The following TMEM236 variants were observed in gnomAD, a reference collection of about 807,000 sequenced individuals.
TMEM236 encodes the protein family with sequence similarity 23, member A.
Under a neutral mutation model 14.7 loss-of-function variants are expected in TMEM236, and 11 were observed. The ratio of observed to expected loss-of-function variants is 0.75; its 90% CI spans 0.47 to 1.24. The LOEUF is 1.24. Among genes scored for constraint, TMEM236 ranks in the 50% most tolerant of loss-of-function variants. The pLI is 0.00. For missense variants in TMEM236, 464 were observed against 427.3 expected (o/e 1.09, Z -0.76); for synonymous variants, 182 against 168.6 (o/e 1.08, Z -0.62).
intron 3 of TMEM236, among the ~76,000 whole-genome samples, chr10:17,787,797 CG>C (rs1443480580): frequency 6.6e-6 from 1 of 152,076 alleles, no homozygotes; most frequent in African/African-American, 2.4e-5. Flanking sequence ...ACCAGGCTGA[CG>C]GAGGTTCTTA....
intron 1 of TMEM236, among the ~76,000 whole-genome samples, chr10:17,770,997 T>C (rs2131748783): frequency 6.6e-6 from 1 of 152,362 alleles, no homozygotes; most frequent in East Asian, 1.9e-4. Context: ...GCCTGACCTC[T>C]TGGGCAGGAT....
rs560933976 is a variant in TMEM236, at chr10:17,773,583, C to T, written c.330+2202C>T. Among the ~76,000 whole-genome samples the T allele has an allele frequency of 4.6e-5, 7 of 152,244 alleles. No homozygotes were observed. In the South Asian group the frequency reaches 1.5e-3, roughly 32 times the overall value. Reference sequence around the variant, plus strand: ...GAACTCCTGACCTCAGGTGATCCACCCGCCTCGGCCTCCCAAAATGCTGAG... The same window carrying T: ...GAACTCCTGACCTCAGGTGATCCACTCGCCTCGGCCTCCCAAAATGCTGAG... On this transcript the variant is annotated intron_variant, in intron 2 of 3. Coordinates refer to ENST00000377495, the MANE Select transcript of TMEM236 (RefSeq NM_001098844.3).
chr10:17,780,748 C>T (rs2131756803), intron 3 of TMEM236, among the ~76,000 whole-genome samples: 1 of 152,228 alleles, frequency 6.6e-6, no homozygotes, highest in East Asian at 1.9e-4. Flanking sequence ...AGGACATGGA[C>T]ACACACAAGG....
rs1478499841 is a variant in TMEM236 at position 17,798,780 on chromosome 10, G to A, written c.*2276G>A. ...ATAATACTAGTACTACATTAATAGG[G>A]TTAGGAGGGTTAAAGGGTAAAGAGT... On this transcript the variant is annotated 3_prime_UTR_variant, in exon 4 of 4. Transcript: ENST00000377495. 2.1e-6 allele frequency: 1 copy of A among 481,340 alleles called. No individual in the cohort carries two copies. The highest frequency in any genetic ancestry group is 4.3e-6 in the Non-Finnish European group (1 of 233,624). 29.8% of individuals were successfully genotyped at this position (481,340 alleles called of 1,614,324 possible).
At chr10:17,753,088 G>T (rs1650368699) in intron 1 of TMEM236, among the ~76,000 whole-genome samples, 1 of 151,804 alleles carries the variant, frequency 6.6e-6, no homozygotes, top group African/African-American at 2.4e-5. Flanking sequence ...TAGAGACGGG[G>T]TTTTCATGTT....
chr10:17,776,239 TA>T, intron 3 of TMEM236, 69 bp downstream of exon 3: 2 of 1,429,536 alleles, frequency 1.4e-6, no homozygotes, highest in Non-Finnish European at 2.0e-6. Context: ...GCCACTGTGT[TA>T]TCTGACAACA....
At chr10:17,769,179 A>G (rs1837527976) in intron 1 of TMEM236, among the ~76,000 whole-genome samples, 1 of 152,246 alleles carries the variant, frequency 6.6e-6, no homozygotes, top group African/African-American at 2.4e-5. Flanking sequence ...AACCACCAAC[A>G]GGAAACCAGT....
chr10:17,761,117 C>T (rs1837355823), intron 1 of TMEM236, among the ~76,000 whole-genome samples: 1 of 152,140 alleles, frequency 6.6e-6, no homozygotes, highest in Non-Finnish European at 1.5e-5. Context: ...TGCATCAGCT[C>T]CTTGTTCTCC....
In TMEM236 at chr10:17,752,479, ACT is replaced by A; in HGVS notation, c.187_188del (p.Leu63ThrfsTer21). On this transcript the variant is annotated frameshift_variant, in exon 1 of 4. Coordinates refer to ENST00000377495, the MANE Select transcript of TMEM236 (RefSeq NM_001098844.3). LOFTEE classifies it high-confidence loss of function. ...SCSIAYVALVTLLIWVPVKVI... is the reference protein window; with the variant it reads ...SCSIAYVALVXLLIWVPVKVI... ...TTCTATTGCCTATGTTGCGTTAGTG[ACT>A]CTACTGATCTGGGTTCCTGTAAAAG... 7.4e-6 allele frequency: 12 copies of A among 1,613,816 alleles called. No individual in the cohort carries two copies. The highest frequency in any genetic ancestry group is 2.2e-5 in the East Asian group (1 of 44,876).
chr10:17,779,481 A>T (rs71497212), intron 3 of TMEM236, among the ~76,000 whole-genome samples: 1 of 151,974 alleles, frequency 6.6e-6, no homozygotes, highest in Non-Finnish European at 1.5e-5. Context: ...TTAATTAATT[A>T]GTTAATTAAT....
intron 1 of TMEM236, among the ~76,000 whole-genome samples, chr10:17,753,085 G>A (rs1201043374): frequency 3.3e-5 from 5 of 152,072 alleles, no homozygotes; most frequent in African/African-American, 7.2e-5. Flanking sequence ...TAGTAGAGAC[G>A]GGGTTTTCAT....
chr10:17,767,604 T>A (rs1589142951), intron 1 of TMEM236, among the ~76,000 whole-genome samples: 1 of 152,218 alleles, frequency 6.6e-6, no homozygotes, highest in East Asian at 1.9e-4. Context: ...ATTGAATTCC[T>A]ACTATGTGTT....
intron 3 of TMEM236, among the ~76,000 whole-genome samples, chr10:17,781,234 T>A (rs1439170608): frequency 1.3e-5 from 2 of 152,180 alleles, no homozygotes; most frequent in Non-Finnish European, 2.9e-5. Context: ...GTGCTTTTCA[T>A]TAAAAGGAAA....
At position 17,800,203 on chromosome 10, in the gene TMEM236, GC is replaced by G. The variant is rs1186015448; in HGVS notation, c.*3701del. 959 of 150,572 alleles carry G rather than the reference GC, an allele frequency of 6.4e-3. 18 individuals are homozygous for G. Among genetic ancestry groups the G allele is most frequent in the African/African-American group, 0.022 (896 of 40,980 alleles). The allele number at this position is 150,572 out of a possible 1,614,324, so 9.3% of individuals were successfully genotyped here. On this transcript the variant is annotated 3_prime_UTR_variant, in exon 4 of 4. Transcript: ENST00000377495. Reference sequence around the variant, plus strand: ...GCTGAGATCTCGCCACTATGCTCCAGCCTGGGCAACAGATTGAGACTCTGTC... The same window carrying G: ...GCTGAGATCTCGCCACTATGCTCCAGCTGGGCAACAGATTGAGACTCTGTC...
At chr10:17,788,378 ATAATAT>A (rs1220070723) in intron 3 of TMEM236, among the ~76,000 whole-genome samples, 1 of 151,642 alleles carries the variant, frequency 6.6e-6, no homozygotes. Context: ...TTAAAAATTG[ATAATAT>A]TAAGATTTTA....
intron 3 of TMEM236, among the ~76,000 whole-genome samples, chr10:17,781,893 G>GA (rs1202212114): frequency 4.6e-5 from 7 of 151,692 alleles, no homozygotes; most frequent in Admixed American, 1.3e-4. Context: ...TCATTTGGGG[G>GA]AAAAAAAAGC....
chr10:17,755,350 A>G (rs1203216205), intron 1 of TMEM236, among the ~76,000 whole-genome samples: 3 of 152,040 alleles, frequency 2.0e-5, no homozygotes, highest in African/African-American at 4.8e-5. Context: ...AAAATAATAG[A>G]CTCTGCAATA....
intron 3 of TMEM236, among the ~76,000 whole-genome samples, chr10:17,789,529 A>G (rs974825389): frequency 0.02 from 3,102 of 152,280 alleles, 98 homozygotes; most frequent in African/African-American, 0.069. Context: ...GTCCCATTTC[A>G]TCATTTATTG....
intron 3 of TMEM236, among the ~76,000 whole-genome samples, chr10:17,779,286 C>T (rs955628106): frequency 0.016 from 2,491 of 152,132 alleles, 62 homozygotes; most frequent in African/African-American, 0.057. Context: ...CAATCATGAC[C>T]TTGAACCACC....
Sources: gnomAD v4.1 joint callset for allele counts (sites outside exome capture counted in the v4.1 genomes callset) on GRCh38, gnomAD v4.1.1 for gene constraint, MANE v1.5 for transcripts, NCBI Gene and HGNC (gene_info 2026-07-23, HGNC 2026-07-21) for gene names.